Variants in NRXN1 observed in about 807,000 individuals in gnomAD.
NRXN1 encodes the protein neurexin 1, also known as neurexin-1.
A neutral mutation model predicts 150.9 loss-of-function variants in NRXN1; 39 were observed. The observed-to-expected ratio is 0.26, with a 90% CI of 0.20 to 0.34. NRXN1 has a LOEUF of 0.34. Among genes scored for constraint, NRXN1 ranks in the 10% least tolerant of loss-of-function variants. The pLI, the probability that NRXN1 is intolerant of heterozygous loss-of-function variation, is 1.00. For missense variants in NRXN1, 1,815 were observed against 1,949.9 expected, an observed-to-expected ratio of 0.93 and a Z score of 1.30; for synonymous variants, 924 against 757.0, an observed-to-expected ratio of 1.22 and a Z score of -3.62.
intron 5 of NRXN1, among the ~76,000 whole-genome samples, chr2:50,909,265 T>A (rs1335495379): frequency 6.6e-6 from 1 of 151,982 alleles, no homozygotes; most frequent in Non-Finnish European, 1.5e-5. Flanking sequence ...CTTAAAACAT[T>A]ATGACTTTAT....
At chr2:50,510,480 C>T in intron 12 of NRXN1, among the ~76,000 whole-genome samples, 1 of 59,468 alleles carries the variant, frequency 1.7e-5, no homozygotes, top group East Asian at 5.1e-4. Flanking sequence ...AGAGAGACTC[C>T]ATCTCAAAAA....
chr2:50,389,890 T>G (rs77526104), intron 17 of NRXN1, among the ~76,000 whole-genome samples: 5,888 of 152,268 alleles, frequency 0.039, 183 homozygotes, highest in Non-Finnish European at 0.057. Flanking sequence ...ACACCATTGC[T>G]GGTTATACTT....
intron 17 of NRXN1, among the ~76,000 whole-genome samples, chr2:50,348,632 C>T (rs2078210807): frequency 6.6e-6 from 1 of 152,148 alleles, no homozygotes; most frequent in Non-Finnish European, 1.5e-5. Context: ...TGAAATACAG[C>T]ATCTTTAACT....
intron 21 of NRXN1, among the ~76,000 whole-genome samples, chr2:49,975,960 AC>A (rs1489307148): frequency 1.3e-5 from 2 of 152,060 alleles, no homozygotes; most frequent in African/African-American, 4.8e-5. Flanking sequence ...TATAGGCTAT[AC>A]TTACTTACAT....
intron 2 of NRXN1, among the ~76,000 whole-genome samples, chr2:50,972,729 A>T (rs78668634): frequency 0.022 from 3,309 of 152,056 alleles, 119 homozygotes; most frequent in African/African-American, 0.076. Context: ...CCTCACATGC[A>T]CAGGTCATCA....
intron 2 of NRXN1, chr2:50,963,961 TACAA>T: frequency 2.3e-6 from 1 of 440,872 alleles, no homozygotes; most frequent in Non-Finnish European, 4.6e-6. Flanking sequence ...GCTCAAATAA[TACAA>T]ACATATGTCA....
intron 18 of NRXN1, among the ~76,000 whole-genome samples, chr2:50,177,148 C>A (rs1265918370): frequency 2.6e-5 from 4 of 152,098 alleles, no homozygotes; most frequent in Non-Finnish European, 5.9e-5. Context: ...GTGCTTGTTA[C>A]ATGGATATTA....
At chr2:50,389,982 G>C (rs575534638) in intron 17 of NRXN1, among the ~76,000 whole-genome samples, 23 of 152,200 alleles carry the variant, frequency 1.5e-4, no homozygotes, top group African/African-American at 5.5e-4. Context: ...GTCAAACTCA[G>C]AATTATTTAT....
At chr2:50,736,982 G>A (rs1186812175) in intron 5 of NRXN1, among the ~76,000 whole-genome samples, 2 of 152,124 alleles carry the variant, frequency 1.3e-5, no homozygotes, top group African/African-American at 2.4e-5. Context: ...AGTCAACCAG[G>A]CATGGTGGTG....
intron 21 of NRXN1, among the ~76,000 whole-genome samples, chr2:50,010,016 C>A (rs544814107): frequency 6.6e-6 from 1 of 152,138 alleles, no homozygotes; most frequent in Non-Finnish European, 1.5e-5. Flanking sequence ...TTACAACAAT[C>A]AATCACTCTA....
chr2:50,792,010 G>T (rs1706116900), intron 5 of NRXN1, among the ~76,000 whole-genome samples: 3 of 152,090 alleles, frequency 2.0e-5, no homozygotes, highest in African/African-American at 7.2e-5. Context: ...TTAAGCAGGA[G>T]TGCAGAAAGC....
chr2:50,093,470 A>G (rs558212468), intron 18 of NRXN1, among the ~76,000 whole-genome samples: 2,891 of 105,860 alleles, frequency 0.027, 124 homozygotes, highest in African/African-American at 0.098. Context: ...AAAAAAAGAA[A>G]AAGAAAAAAA....
chr2:50,746,765 T>G (rs1191245156), intron 5 of NRXN1, among the ~76,000 whole-genome samples: 2 of 152,028 alleles, frequency 1.3e-5, no homozygotes, highest in Non-Finnish European at 2.9e-5. Context: ...AGTTCTGAAA[T>G]TAGGATGCAT....
intron 9 of NRXN1, among the ~76,000 whole-genome samples, chr2:50,539,976 T>C (rs1187322005): frequency 6.6e-6 from 1 of 152,212 alleles, no homozygotes; most frequent in Non-Finnish European, 1.5e-5. Context: ...GATGTAAGGC[T>C]GTGGGCCCTG....
chr2:50,789,152 C>G (rs1269005945), intron 5 of NRXN1, among the ~76,000 whole-genome samples: 1 of 152,158 alleles, frequency 6.6e-6, no homozygotes, highest in Non-Finnish European at 1.5e-5. Flanking sequence ...TATACATTTT[C>G]ATATTTCTAC....
chr2:50,631,857 T>C (rs1682380070), intron 5 of NRXN1, among the ~76,000 whole-genome samples: 1 of 151,914 alleles, frequency 6.6e-6, no homozygotes, highest in African/African-American at 2.4e-5. Flanking sequence ...TGACTCAGAT[T>C]CAAGTACCTA....
intron 5 of NRXN1, among the ~76,000 whole-genome samples, chr2:50,816,274 T>G (rs1241948944): frequency 6.6e-6 from 1 of 152,060 alleles, no homozygotes; most frequent in Non-Finnish European, 1.5e-5. Flanking sequence ...CTTCTTCTAT[T>G]TTATTTAGGA....
intron 12 of NRXN1, among the ~76,000 whole-genome samples, chr2:50,526,968 A>AGTT (rs2092968674): frequency 6.6e-6 from 1 of 152,228 alleles, no homozygotes; most frequent in Middle Eastern, 3.2e-3. Context: ...TAACAAGGGT[A>AGTT]ATTATACTAT....
chr2:50,979,196 AAAGT>A (rs1387662499), intron 2 of NRXN1: 1 of 502,992 alleles, frequency 2.0e-6, no homozygotes, highest in Admixed American at 2.1e-5. Context: ...TTAATTACAG[AAAGT>A]AAGCGATTTC....
Sources: allele counts gnomAD v4.1 joint callset (sites outside exome capture counted in the v4.1 genomes callset), GRCh38; gene constraint gnomAD v4.1.1; transcripts MANE v1.5; gene names NCBI Gene and HGNC (gene_info 2026-07-23, HGNC 2026-07-21).